The following SMIM8 variants were observed in gnomAD, a reference collection of about 807,000 sequenced individuals.
The protein encoded by SMIM8 is small integral membrane protein 8, also known as UPF0708 protein C6orf162.
Under a neutral mutation model 8.1 loss-of-function variants are expected in SMIM8, and 8 were observed. The observed-to-expected ratio is 0.99, with a 90% CI of 0.58 to 1.78. The LOEUF is 1.78. Ranked by LOEUF, SMIM8 falls within the 40% of genes most tolerant of loss-of-function variation. The pLI is 0.00. For synonymous variants in SMIM8, 45 were observed against 39.7 expected (o/e 1.13, Z -0.50); for missense variants, 126 against 119.8 (o/e 1.05, Z -0.24).
intron 1 of SMIM8, among the ~76,000 whole-genome samples, chr6:87,325,009 G>A (rs868257003): frequency 2.8e-4 from 42 of 151,884 alleles, no homozygotes; most frequent in Middle Eastern, 3.4e-3. Flanking sequence ...TGGATTCCTA[G>A]GTATTTTATT....
chr6:87,326,776 A>G (rs1466664880), intron 1 of SMIM8, among the ~76,000 whole-genome samples: 1 of 119,036 alleles, frequency 8.4e-6, no homozygotes, highest in Non-Finnish European at 1.8e-5. Context: ...GTAGATGTCT[A>G]TTAGGTCTGC....
At position 87,342,023 on chromosome 6, in the gene SMIM8, G is replaced by A. The variant is rs1415585493; in HGVS notation, c.*1749G>A. ...GCGTGAACTGTCAAGAGATTGCAGTGCAGGAGGGCAACAGAAACTGTACAA... is the reference window on the plus strand; with the variant it reads ...GCGTGAACTGTCAAGAGATTGCAGTACAGGAGGGCAACAGAAACTGTACAA... On this transcript the variant is annotated 3_prime_UTR_variant, in exon 4 of 4. Coordinates refer to ENST00000392863, the MANE Select transcript of SMIM8 (RefSeq NM_001042493.3). 2 of 152,206 alleles carry A rather than the reference G, an allele frequency of 1.3e-5. No individual in the cohort carries two copies. The highest frequency in any genetic ancestry group is 4.8e-5 in the African/African-American group (2 of 41,438). The allele number at this position is 152,206 out of a possible 1,614,324, so 9.4% of individuals were successfully genotyped here. A position where few individuals can be genotyped will look rare whatever the true frequency, so the allele number is the denominator to read the frequency against.
chr6:87,337,479 C>G (rs1777138228), intron 3 of SMIM8, among the ~76,000 whole-genome samples: 1 of 152,110 alleles, frequency 6.6e-6, no homozygotes, highest in Non-Finnish European at 1.5e-5. Flanking sequence ...GTTGTTTGAT[C>G]AGGTACTATT....
intron 2 of SMIM8, among the ~76,000 whole-genome samples, chr6:87,334,831 T>C (rs1262855226): frequency 6.6e-6 from 1 of 152,236 alleles, no homozygotes; most frequent in South Asian, 2.1e-4. Context: ...GAGAGATGTG[T>C]TACTGAATAG....
At chr6:87,325,173 C>T (rs930555318) in intron 1 of SMIM8, among the ~76,000 whole-genome samples, 1 of 152,128 alleles carries the variant, frequency 6.6e-6, no homozygotes, top group African/African-American at 2.4e-5. Context: ...TGGGCTGAGA[C>T]AATGGGGTTT....
At chr6:87,336,983 GA>G (rs1201221527) in intron 2 of SMIM8, 25 bp from the exon 3 acceptor site, 10 of 1,514,872 alleles carry the variant, frequency 6.6e-6, no homozygotes, top group East Asian at 2.4e-5. Context: ...ATTATGAAGG[GA>G]AAAAATATAT....
At chr6:87,323,449 A>G (rs760623897) in intron 1 of SMIM8, among the ~76,000 whole-genome samples, 42 of 111,692 alleles carry the variant, frequency 3.8e-4, no homozygotes, top group Admixed American at 6.4e-4. Context: ...AACAGACCTC[A>G]GAGTGTGATG....
chr6:87,338,475 T>C (rs1777157511), intron 3 of SMIM8, among the ~76,000 whole-genome samples: 1 of 152,218 alleles, frequency 6.6e-6, no homozygotes, highest in Admixed American at 6.5e-5. Context: ...TGACATTGAT[T>C]AGTAATTATA....
At chr6:87,336,747 C>T (rs1777120553) in intron 2 of SMIM8, among the ~76,000 whole-genome samples, 1 of 152,162 alleles carries the variant, frequency 6.6e-6, no homozygotes, top group African/African-American at 2.4e-5. Flanking sequence ...AACAATTCTC[C>T]AGTCTTCTAT....
chr6:87,327,900 C>T (rs9344701), intron 1 of SMIM8, among the ~76,000 whole-genome samples: 4 of 149,440 alleles, frequency 2.7e-5, no homozygotes, highest in South Asian at 2.1e-4. Flanking sequence ...ACCAATCAGA[C>T]GTAGATTTGG....
At chr6:87,331,313 C>T (rs1252924835) in intron 2 of SMIM8, among the ~76,000 whole-genome samples, 1 of 152,154 alleles carries the variant, frequency 6.6e-6, no homozygotes, top group Admixed American at 6.5e-5. Flanking sequence ...CATGCCTTGA[C>T]TTTATGATTA....
Position 87,340,308 on chromosome 6 carries a change from A to G in SMIM8, c.*34A>G, listed in dbSNP as rs562123224. 1 of 1,508,166 alleles carries G rather than the reference A, an allele frequency of 6.6e-7. No homozygotes were observed. Among genetic ancestry groups the G allele is most frequent in the East Asian group, 2.4e-5 (1 of 41,318 alleles). The allele number at this position is 1,508,166 out of a possible 1,614,324, so 93.4% of individuals were successfully genotyped here. A position where few individuals can be genotyped will look rare whatever the true frequency, so the allele number is the denominator to read the frequency against. On this transcript the variant is annotated 3_prime_UTR_variant, in exon 4 of 4. Coordinates refer to ENST00000392863, the MANE Select transcript of SMIM8 (RefSeq NM_001042493.3). ...GTTAGTGCAGATGGACCTTTATTAA[A>G]GGTTCTGAAATCTTCAAATGAAAGA...
intron 1 of SMIM8, among the ~76,000 whole-genome samples, chr6:87,328,626 C>T (rs567522664): frequency 1.9e-4 from 29 of 152,096 alleles, no homozygotes; most frequent in African/African-American, 6.0e-4. Context: ...TCTCCAGCTG[C>T]GTGCTGGGAG....
chr6:87,333,567 G>C (rs142127961), intron 2 of SMIM8, among the ~76,000 whole-genome samples: 1 of 152,128 alleles, frequency 6.6e-6, no homozygotes, highest in East Asian at 1.9e-4. Flanking sequence ...GTTCTCATTA[G>C]AAGAAAAAAA....
intron 3 of SMIM8, among the ~76,000 whole-genome samples, chr6:87,339,167 A>C (rs1209066451): frequency 6.6e-6 from 1 of 152,116 alleles, no homozygotes; most frequent in Non-Finnish European, 1.5e-5. Flanking sequence ...TTAGCCAGGC[A>C]TGGTGTGCAC....
intron 3 of SMIM8, among the ~76,000 whole-genome samples, chr6:87,337,953 T>C (rs995832202): frequency 6.6e-6 from 1 of 152,214 alleles, no homozygotes; most frequent in Non-Finnish European, 1.5e-5. Context: ...TAAATGTAGA[T>C]TCTATTTTAA....
rs891711336 is a variant in SMIM8 at position 87,341,067 on chromosome 6, G to C, written c.*793G>C. On this transcript the variant is annotated 3_prime_UTR_variant, in exon 4 of 4. Transcript: ENST00000392863. ...TTTATGTTAATTTGTGTTAATTAAT[G>C]TTACTGTAATGTTATAAACATAAGA... The C allele has an allele frequency of 9.7e-5, 37 of 379,816 alleles. No homozygotes were observed. The highest frequency in any genetic ancestry group is 1.4e-4 in the Non-Finnish European group (30 of 215,236). 23.5% of individuals were successfully genotyped at this position (379,816 alleles called of 1,614,324 possible).
Position 87,341,191 on chromosome 6 carries a change from A to G in SMIM8, c.*917A>G, listed in dbSNP as rs964950788. On this transcript the variant is annotated 3_prime_UTR_variant, in exon 4 of 4. Transcript: ENST00000392863. ...ACCTTTTTTTTCTTTTGAAGTTTAT[A>G]TGCCAGCAGGCCTTTTTGTTTTTTT... 4 of 374,688 alleles carry G rather than the reference A, an allele frequency of 1.1e-5. No individual in the cohort carries two copies. The Admixed American group carries it at 1.8e-4, about 17-fold the overall frequency. 23.2% of individuals were successfully genotyped at this position (374,688 alleles called of 1,614,324 possible). A position where few individuals can be genotyped will look rare whatever the true frequency, so the allele number is the denominator to read the frequency against.
Position 87,329,126 on chromosome 6 carries a change from G to A in SMIM8, c.-44-1566G>A, listed in dbSNP as rs114519347. The A allele has an allele frequency of 2.2e-3, 335 of 154,738 alleles. 1 individual carries two copies. The highest frequency in any genetic ancestry group is 7.7e-3 in the African/African-American group (321 of 41,596). The allele number at this position is 154,738 out of a possible 1,614,324, so 9.6% of individuals were successfully genotyped here. On this transcript the variant is annotated intron_variant, in intron 1 of 3. Coordinates refer to ENST00000392863, the MANE Select transcript of SMIM8 (RefSeq NM_001042493.3). ...CTGCTTCGGCTCTCACATGGTGCGCGCACCCACTTACCTGCGCCCAGTGTC... is the reference window on the plus strand; with the variant it reads ...CTGCTTCGGCTCTCACATGGTGCGCACACCCACTTACCTGCGCCCAGTGTC...
Sources: gnomAD v4.1 joint callset for allele counts (sites outside exome capture counted in the v4.1 genomes callset) on GRCh38, gnomAD v4.1.1 for gene constraint, MANE v1.5 for transcripts, NCBI Gene and HGNC (gene_info 2026-07-23, HGNC 2026-07-21) for gene names.